TRIM14: variants seen among roughly 807,000 people sequenced by gnomAD.
TRIM14 encodes the protein tripartite motif-containing protein 14.
A neutral mutation model predicts 44.5 loss-of-function variants in TRIM14; 28 were observed. The observed-to-expected ratio is 0.63, with a 90% CI of 0.47 to 0.86. The LOEUF is 0.86. Ranked by LOEUF, TRIM14 falls within the 40% of genes least tolerant of loss-of-function variation. The probability of loss-of-function intolerance (pLI) is 0.00; values close to 1 mark genes in which losing one functional copy is unlikely to be tolerated. For synonymous variants in TRIM14, 299 were observed against 269.2 expected (o/e 1.11, Z -1.08); for missense variants, 607 against 611.1 (o/e 0.99, Z 0.07).
chr9:98,079,668 A>T (rs1247626922), downstream of TRIM14, among the ~76,000 whole-genome samples: 1 of 152,176 alleles, frequency 6.6e-6, no homozygotes, highest in Non-Finnish European at 1.5e-5. Flanking sequence ...GATTCCGATA[A>T]TTAACAGTTT....
chr9:98,060,728 CT>C, the TRIM14 span: 3 of 1,566,874 alleles, frequency 1.9e-6, no homozygotes, highest in Non-Finnish European at 1.8e-6. Flanking sequence ...GAATTTTTTC[CT>C]TTTTTTGAGA....
downstream of TRIM14, among the ~76,000 whole-genome samples, chr9:98,065,584 C>A (rs1156423624): frequency 6.8e-6 from 1 of 148,104 alleles, no homozygotes; most frequent in Admixed American, 6.8e-5. Flanking sequence ...GGTGATCCAC[C>A]CTTCTTGGCC....
chr9:98,103,498 TA>T (rs1354408419), intron 2 of TRIM14, among the ~76,000 whole-genome samples: 7 of 152,128 alleles, frequency 4.6e-5, no homozygotes, highest in African/African-American at 7.2e-5. Flanking sequence ...TACCATTGTT[TA>T]AATTTTAAAA....
chr9:98,036,878 C>T, the TRIM14 span, among the ~76,000 whole-genome samples: 4 of 152,196 alleles, frequency 2.6e-5, no homozygotes, highest in Non-Finnish European at 5.9e-5. Context: ...ATGCCCTGAT[C>T]CCCTGGCCCC....
intron 1 of TRIM14, chr9:98,115,868 T>C (rs1827031758): frequency 1.3e-5 from 2 of 151,988 alleles, no homozygotes; most frequent in Non-Finnish European, 2.9e-5. Flanking sequence ...ACAGAGCCCA[T>C]AAGAAGACCC....
chr9:98,082,931 C>T, downstream of TRIM14: 1 of 1,613,972 alleles, frequency 6.2e-7, no homozygotes, highest in Non-Finnish European at 8.5e-7. Flanking sequence ...GTGGGTGAGC[C>T]CAAAGGCTAT....
At chr9:98,044,230 G>A in the TRIM14 span, among the ~76,000 whole-genome samples, 1 of 151,954 alleles carries the variant, frequency 6.6e-6, no homozygotes, top group Non-Finnish European at 1.5e-5. Flanking sequence ...TCCTGGACAA[G>A]CCTTTTTAAA....
intron 1 of TRIM14, among the ~76,000 whole-genome samples, chr9:98,116,845 CAA>C (rs149202287): frequency 0.02 from 1,993 of 100,794 alleles, 32 homozygotes; most frequent in African/African-American, 0.063. Context: ...CCCTGTGTCT[CAA>C]AAAAAAAAAA....
rs114744251 is a variant in TRIM14 at position 98,073,072 on chromosome 9, T to C, written c.*29-3385A>G. On this transcript the variant is annotated intron_variant, in intron 6 of 6. Coordinates refer to the TRIM14 transcript ENST00000375098. ...CTATTGAGAAGGCAAATGGAAGCCA[T>C]GACCAAAAAGGTGACTCCTGAGGGA... 4.4e-3 allele frequency among the ~76,000 whole-genome samples: 667 copies of C among 152,194 alleles called. 2 individuals carry two copies. Among genetic ancestry groups the C allele is most frequent in the African/African-American group, 0.015 (625 of 41,528 alleles).
At chr9:98,065,343 G>A (rs540338938), downstream of TRIM14, among the ~76,000 whole-genome samples, 6 of 95,866 alleles carry the variant, frequency 6.3e-5, no homozygotes, top group African/African-American at 2.1e-4. Context: ...ACAGAGTTTC[G>A]TTATTGTTGC....
chr9:98,100,397 G>T (rs954646902), intron 2 of TRIM14, among the ~76,000 whole-genome samples: 6 of 152,144 alleles, frequency 3.9e-5, no homozygotes, highest in Non-Finnish European at 7.3e-5. Context: ...AGCAAAATAT[G>T]TGGAAATATA....
At chr9:98,073,093 A>AG (rs1320288927) in intron 6 of TRIM14, among the ~76,000 whole-genome samples, 1 of 152,040 alleles carries the variant, frequency 6.6e-6, no homozygotes, top group Non-Finnish European at 1.5e-5. Context: ...GTGACTCCTG[A>AG]GGGACATGCT....
the TRIM14 span, among the ~76,000 whole-genome samples, chr9:98,040,547 G>A: frequency 2.6e-5 from 4 of 151,810 alleles, no homozygotes; most frequent in Non-Finnish European, 2.9e-5. Flanking sequence ...GCCTATCCTC[G>A]GTCTTTTTCC....
chr9:98,067,726 T>C (rs1437942018), downstream of TRIM14, among the ~76,000 whole-genome samples: 1 of 148,616 alleles, frequency 6.7e-6, no homozygotes, highest in Non-Finnish European at 1.5e-5. Context: ...TTTCACTTTC[T>C]TTTTTTTTTG....
At position 98,091,988 on chromosome 9, in the gene TRIM14, C is replaced by A; in HGVS notation, c.714G>T (p.Gln238His). Residue 238 changes from glutamine (Q) to histidine (H), a missense_variant, in exon 5 of 6, where the codon CAG becomes CAT. Physicochemically the swap from Gln to His is conservative, Grantham distance 24. Coordinates refer to ENST00000341469, the MANE Select transcript of TRIM14 (RefSeq NM_014788.4). ...DIRLKESINC[Q>H]LSDPSSTKPG... ...GCTTGGTGCTGGAAGGGTCTGAGAG[C>A]TGGCAGTTTATGCCTGTAAGGAATT... The A allele has an allele frequency of 6.2e-7, 1 of 1,609,178 alleles. No individual in the cohort carries two copies. Among genetic ancestry groups the A allele is most frequent in the Non-Finnish European group, 8.5e-7 (1 of 1,176,610 alleles).
chr9:98,056,641 G>A, the TRIM14 span: 2 of 1,058,470 alleles, frequency 1.9e-6, no homozygotes, highest in African/African-American at 3.5e-5. Context: ...CCGATTGGCT[G>A]TCGGGAGAGA....
intron 6 of TRIM14, among the ~76,000 whole-genome samples, chr9:98,071,680 C>T (rs370026475): frequency 2.0e-3 from 297 of 152,306 alleles, no homozygotes; most frequent in African/African-American, 6.9e-3. Context: ...AGCCCCTTCC[C>T]TGCCTGGGCC....
the TRIM14 span, among the ~76,000 whole-genome samples, chr9:98,043,408 C>G: frequency 6.6e-6 from 1 of 152,112 alleles, no homozygotes; most frequent in Non-Finnish European, 1.5e-5. Flanking sequence ...CTCAGGTGAT[C>G]TGCCCACCTC....
chr9:98,077,126 CTCTTT>C, intron 6 of TRIM14: 1 of 829,968 alleles, frequency 1.2e-6, no homozygotes, highest in Non-Finnish European at 1.8e-6. Flanking sequence ...AAATTTTAGC[CTCTTT>C]TCATTTTTTT....
Sources: gnomAD v4.1 joint callset for allele counts (sites outside exome capture counted in the v4.1 genomes callset) on GRCh38, gnomAD v4.1.1 for gene constraint, MANE v1.5 for transcripts, NCBI Gene and HGNC (gene_info 2026-07-23, HGNC 2026-07-21) for gene names.